Variants in DNAAF11 observed in about 807,000 individuals in gnomAD.
DNAAF11 encodes the protein dynein axonemal assembly factor 11.
DNAAF11 carries 45 observed loss-of-function variants against 60.8 expected under a neutral mutation model. The observed-to-expected ratio is 0.74, with a 90% CI of 0.58 to 0.95. The LOEUF is 0.95. Among genes scored for constraint, DNAAF11 ranks in the 40% least tolerant of loss-of-function variants. The pLI is 0.00. For synonymous variants in DNAAF11, 191 were observed against 183.5 expected (o/e 1.04, Z -0.33); for missense variants, 546 against 546.2 (o/e 1.00, Z 0.00).
chr8:132,660,331 A>C lies in DNAAF11; in HGVS notation c.178+1129T>G, dbSNP rs139860267. ...CGTGCTGGTCTTATGGTGAGCAAGC[A>C]CTAAGCATATCATTTCATGTAATCC... On this transcript the variant is annotated intron_variant, in intron 2 of 11. Transcript: ENST00000620350. Among the ~76,000 whole-genome samples the C allele has an allele frequency of 1.0e-3, 157 of 152,338 alleles. 1 individual carries two copies. Among genetic ancestry groups the C allele is most frequent in the Non-Finnish European group, 1.8e-3 (122 of 68,042 alleles).
rs144289249 is a variant in DNAAF11, at chr8:132,630,879, A to G, written c.653+1861T>C. Among the ~76,000 whole-genome samples, 64 of 152,358 alleles carry G rather than the reference A, an allele frequency of 4.2e-4. No individual in the cohort carries two copies. The East Asian group carries it at 0.012, about 28-fold the overall frequency. On this transcript the variant is annotated intron_variant, in intron 5 of 11. Transcript: ENST00000620350. ...TGATTGGCCAATATTTTTAAATATC[A>G]TATTATCCAGTATTGGCAAAGACTG...
intron 1 of DNAAF11, among the ~76,000 whole-genome samples, chr8:132,666,613 G>A (rs947379897): frequency 5.3e-5 from 8 of 152,166 alleles, no homozygotes; most frequent in African/African-American, 1.9e-4. Context: ...AATGTCGACA[G>A]AGATACAGAG....
chr8:132,650,068 C>T (rs550050872), intron 3 of DNAAF11, among the ~76,000 whole-genome samples: 12 of 152,264 alleles, frequency 7.9e-5, no homozygotes, highest in African/African-American at 2.2e-4. Context: ...CACATGCATA[C>T]GTATATTTAT....
chr8:132,593,332 C>CATATAT (rs60462067), intron 10 of DNAAF11, among the ~76,000 whole-genome samples: 10,408 of 108,356 alleles, frequency 0.096, 490 homozygotes, highest in East Asian at 0.18. Flanking sequence ...TATATACATA[C>CATATAT]ATATATATAT....
chr8:132,586,176 C>T (rs1381983909), intron 10 of DNAAF11, among the ~76,000 whole-genome samples: 2 of 152,106 alleles, frequency 1.3e-5, no homozygotes, highest in South Asian at 4.2e-4. Context: ...TGGAAGTATC[C>T]CAGGGAGGCA....
chr8:132,578,124 T>C (rs756717465), intron 11 of DNAAF11, among the ~76,000 whole-genome samples: 8 of 152,184 alleles, frequency 5.3e-5, no homozygotes, highest in Non-Finnish European at 8.8e-5. Context: ...TAAGTTCATC[T>C]AGTATAATTA....
At chr8:132,675,461 A>G (rs202158352) in intron 1 of DNAAF11, 23 bp downstream of exon 1, 15 of 1,559,994 alleles carry the variant, frequency 9.6e-6, no homozygotes, top group Admixed American at 9.2e-5. Context: ...ACGATCGAGG[A>G]CGGAAGGTGG....
chr8:132,611,334 T>C lies in DNAAF11; in HGVS notation c.1004A>G (p.Asp335Gly). 1 of 1,611,340 alleles carries C rather than the reference T, an allele frequency of 6.2e-7. No individual in the cohort carries two copies. Among genetic ancestry groups the C allele is most frequent in the Non-Finnish European group, 8.5e-7 (1 of 1,177,750 alleles). ...TACTCGCACGTAAGTTGGTTGCACA[T>C]CAACATCGATTAAAGAGGTATCCAT... ...RYMDTSLIDV[D>G]VQPTYVRVMI... is the part of the protein sequence containing the mutation. Residue 335 changes from aspartate to glycine, a missense_variant, in exon 9 of 12, where the codon GAT (aspartate) becomes GGT (glycine). Asp to Gly is a moderately conservative substitution (Grantham distance 94). Coordinates refer to ENST00000620350, the MANE Select transcript of DNAAF11 (RefSeq NM_012472.6).
intron 10 of DNAAF11, among the ~76,000 whole-genome samples, chr8:132,589,517 T>C (rs1261211278): frequency 2.0e-5 from 3 of 152,210 alleles, no homozygotes; most frequent in African/African-American, 7.2e-5. Flanking sequence ...GAGTGATAGC[T>C]TTTGAAAAGT....
intron 11 of DNAAF11, 74 bp from the exon 12 acceptor site, chr8:132,572,554 A>G (rs1192589185): frequency 4.4e-6 from 5 of 1,141,488 alleles, no homozygotes; most frequent in Non-Finnish European, 6.2e-6. Flanking sequence ...CAACTCACCC[A>G]TCCATTTATT....
chr8:132,695,634 T>A, the DNAAF11 span, among the ~76,000 whole-genome samples: 1 of 152,050 alleles, frequency 6.6e-6, no homozygotes. Flanking sequence ...TATGAAATAA[T>A]CACCCGGGGA....
chr8:132,578,561 G>C (rs1186197029), intron 11 of DNAAF11: 1 of 1,139,630 alleles, frequency 8.8e-7, no homozygotes, highest in South Asian at 1.4e-5. Flanking sequence ...AAGTAAGCAA[G>C]AAAAAAGAAA....
At chr8:132,671,562 T>C (rs1825192132) in intron 1 of DNAAF11, among the ~76,000 whole-genome samples, 1 of 152,132 alleles carries the variant, frequency 6.6e-6, no homozygotes. Flanking sequence ...ATGTAAAGGA[T>C]CTGAATACAA....
At chr8:132,620,615 G>C (rs949407013) in intron 7 of DNAAF11, among the ~76,000 whole-genome samples, 1 of 152,296 alleles carries the variant, frequency 6.6e-6, no homozygotes, top group Middle Eastern at 3.4e-3. Flanking sequence ...GATTATAGGC[G>C]TGAGCCACTG....
At chr8:132,696,947 T>A in the DNAAF11 span, among the ~76,000 whole-genome samples, 15 of 152,132 alleles carry the variant, frequency 9.9e-5, no homozygotes, top group African/African-American at 3.4e-4. Context: ...GTACTAGGCT[T>A]AGTACCTGGA....
chr8:132,628,034 C>T (rs1428740729), intron 5 of DNAAF11, among the ~76,000 whole-genome samples: 1 of 152,182 alleles, frequency 6.6e-6, no homozygotes, highest in Non-Finnish European at 1.5e-5. Context: ...CCCCTAGTGA[C>T]TTATTGCTGC....
intron 10 of DNAAF11, among the ~76,000 whole-genome samples, chr8:132,602,753 A>G (rs1196394100): frequency 1.3e-5 from 2 of 148,374 alleles, no homozygotes; most frequent in East Asian, 1.9e-4. Flanking sequence ...AAATATATAT[A>G]TATATATATA....
At position 132,632,855 on chromosome 8, in the gene DNAAF11, G is replaced by A. The variant is rs979934112; in HGVS notation, c.538C>T (p.Arg180Ter). 3.1e-6 allele frequency: 5 copies of A among 1,613,306 alleles called. No homozygotes were observed. The highest frequency in any genetic ancestry group is 1.3e-5 in the African/African-American group (1 of 74,848). ...REQEKDHCLK[R>*]AKLKEEAQRK... ...TGAGCCTCTTCCTTGAGTTTGGCTC[G>A]TTTAAGACAGTGATCTTTTTCCTGC... The change falls in exon 5 of 12, where the codon CGA becomes TGA. Residue 180 changes from arginine (R) to a stop codon, truncating the protein, a stop_gained. Coordinates refer to ENST00000620350, the MANE Select transcript of DNAAF11 (RefSeq NM_012472.6). LOFTEE classifies it high-confidence loss of function.
chr8:132,643,061 T>C (rs1453632391), intron 3 of DNAAF11, among the ~76,000 whole-genome samples: 2 of 152,156 alleles, frequency 1.3e-5, no homozygotes, highest in Admixed American at 6.5e-5. Context: ...ACAATAGGGC[T>C]CCGCTCCTAT....
Sources: allele counts gnomAD v4.1 joint callset (sites outside exome capture counted in the v4.1 genomes callset), GRCh38; gene constraint gnomAD v4.1.1; transcripts MANE v1.5; gene names NCBI Gene and HGNC (gene_info 2026-07-23, HGNC 2026-07-21).